EYS: variants seen among roughly 807,000 people sequenced by gnomAD.
The protein encoded by EYS is EGF-like photoreceptor maintenance factor.
A neutral mutation model predicts 282.1 loss-of-function variants in EYS; 250 were observed. The ratio of observed to expected loss-of-function variants is 0.89; its 90% confidence interval spans 0.80 to 0.98. The LOEUF (loss-of-function observed/expected upper bound fraction) is 0.98, where lower values mean the gene tolerates loss of function less well. Ranked by LOEUF, EYS falls within the 50% of genes least tolerant of loss-of-function variation. The probability of loss-of-function intolerance (pLI) is 0.00; values close to 1 mark genes in which losing one functional copy is unlikely to be tolerated. For synonymous variants in EYS, 1,355 were observed against 1,282.9 expected, an observed-to-expected ratio of 1.06 and a Z score of -1.20; for missense variants, 4,016 against 3,709.0, an observed-to-expected ratio of 1.08 and a Z score of -2.15.
At chr6:64,917,189 C>T (rs959608349) in intron 15 of EYS, among the ~76,000 whole-genome samples, 4 of 149,940 alleles carry the variant, frequency 2.7e-5, no homozygotes, top group African/African-American at 9.9e-5. Flanking sequence ...GCGGAGGCTG[C>T]AGTGAGCAGA....
chr6:64,667,510 T>C (rs914362307), intron 22 of EYS, among the ~76,000 whole-genome samples: 2 of 151,698 alleles, frequency 1.3e-5, no homozygotes, highest in South Asian at 2.1e-4. Flanking sequence ...TGGGAACTTA[T>C]GACTTTTTTT....
At chr6:64,085,708 G>C (rs1772134823) in intron 31 of EYS, among the ~76,000 whole-genome samples, 1 of 152,058 alleles carries the variant, frequency 6.6e-6, no homozygotes, top group African/African-American at 2.4e-5. Context: ...ACTTGTGAAG[G>C]TTAGTTGTTA....
chr6:63,913,086 G>A (rs1764315077), intron 35 of EYS, among the ~76,000 whole-genome samples: 1 of 152,088 alleles, frequency 6.6e-6, no homozygotes, highest in Admixed American at 6.6e-5. Flanking sequence ...TTGACAACTT[G>A]CCAGATAGCT....
intron 24 of EYS, among the ~76,000 whole-genome samples, chr6:64,595,224 T>C (rs1050289434): frequency 6.6e-6 from 1 of 152,160 alleles, no homozygotes; most frequent in Non-Finnish European, 1.5e-5. Flanking sequence ...AGAAATTAAT[T>C]TGATAAAATT....
At chr6:64,732,171 G>A (rs1426456374) in intron 22 of EYS, among the ~76,000 whole-genome samples, 1 of 151,988 alleles carries the variant, frequency 6.6e-6, no homozygotes, top group Non-Finnish European at 1.5e-5. Flanking sequence ...GGGTTGGGGG[G>A]CAAGGGGAGG....
intron 15 of EYS, among the ~76,000 whole-genome samples, chr6:64,943,389 A>T (rs1002806580): frequency 3.9e-5 from 6 of 152,078 alleles, no homozygotes; most frequent in African/African-American, 1.4e-4. Context: ...CCAAAAAGGA[A>T]CAAAATAAGT....
At chr6:64,059,525 A>G (rs1771092852) in intron 33 of EYS, among the ~76,000 whole-genome samples, 1 of 152,168 alleles carries the variant, frequency 6.6e-6, no homozygotes, top group East Asian at 1.9e-4. Context: ...GAGATGCTCC[A>G]CCTTATTTAT....
chr6:64,403,001 T>C (rs755543676), intron 28 of EYS, among the ~76,000 whole-genome samples: 1 of 152,200 alleles, frequency 6.6e-6, no homozygotes, highest in South Asian at 2.1e-4. Context: ...ATCATTGTGA[T>C]TCTAATTATA....
At chr6:63,766,659 T>G (rs1769796452) in intron 40 of EYS, among the ~76,000 whole-genome samples, 1 of 152,040 alleles carries the variant, frequency 6.6e-6, no homozygotes, top group South Asian at 2.1e-4. Flanking sequence ...CTTTCTAGTT[T>G]CTCTATTATG....
At position 64,695,612 on chromosome 6, in the gene EYS, T is replaced by C. The variant is rs1770550590; in HGVS notation, c.3444-69367A>G. Among the ~76,000 whole-genome samples the C allele has an allele frequency of 2.8e-5, 4 of 140,780 alleles. No individual in the cohort carries two copies. In the South Asian group the frequency reaches 8.9e-4, roughly 31 times the overall value. The allele number at this position is 140,780 out of a possible 152,430, so 92.4% of individuals were successfully genotyped here. A position where few individuals can be genotyped will look rare whatever the true frequency, so the allele number is the denominator to read the frequency against. On this transcript the variant is annotated intron_variant, in intron 22 of 42. Coordinates refer to ENST00000503581, the MANE Select transcript of EYS (RefSeq NM_001142800.2). ...CTTTTTTTTTTTTTTTGAGAAGGAG[T>C]CTAGCTCTGTCACCCAGGCTGGAGT...
chr6:63,751,797 C>T lies in EYS; in HGVS notation c.8071+10664G>A, dbSNP rs529812636. On this transcript the variant is annotated intron_variant, in intron 41 of 42. Coordinates refer to ENST00000503581, the MANE Select transcript of EYS (RefSeq NM_001142800.2). ...AATTATAGAAAAAATAAAATCATCC[C>T]TTTAGGCACACTTTCCTCAGGACTC... is the stretch of plus-strand genomic sequence containing the variant. 9.9e-5 allele frequency among the ~76,000 whole-genome samples: 15 copies of T among 152,244 alleles called. No homozygotes were observed. The South Asian group carries it at 2.7e-3, about 27-fold the overall frequency.
intron 12 of EYS, among the ~76,000 whole-genome samples, chr6:65,279,205 A>T (rs1768149645): frequency 6.6e-6 from 1 of 151,784 alleles, no homozygotes; most frequent in Non-Finnish European, 1.5e-5. Context: ...AAAAAATAAT[A>T]ATAACAAATA....
chr6:65,483,103 A>G (rs1043786202), intron 5 of EYS, among the ~76,000 whole-genome samples: 1 of 152,152 alleles, frequency 6.6e-6, no homozygotes, highest in Non-Finnish European at 1.5e-5. Flanking sequence ...TGGGATTACA[A>G]TTAAGAATAC....
intron 5 of EYS, among the ~76,000 whole-genome samples, chr6:65,423,096 T>A (rs547048201): frequency 6.6e-6 from 1 of 151,908 alleles, no homozygotes; most frequent in African/African-American, 2.4e-5. Context: ...GAATAGAGAA[T>A]ATACTGCATA....
chr6:64,001,482 C>G (rs1482827220), intron 33 of EYS, among the ~76,000 whole-genome samples: 1 of 151,786 alleles, frequency 6.6e-6, no homozygotes, highest in African/African-American at 2.4e-5. Context: ...CATTTTTGCA[C>G]TTTAGATTTA....
At chr6:63,849,820 A>G (rs942867094) in intron 36 of EYS, among the ~76,000 whole-genome samples, 1 of 152,214 alleles carries the variant, frequency 6.6e-6, no homozygotes, top group Non-Finnish European at 1.5e-5. Context: ...CTGGATGGAG[A>G]ATGAGTTACA....
chr6:63,950,114 G>A (rs1765526703), intron 35 of EYS, among the ~76,000 whole-genome samples: 1 of 151,746 alleles, frequency 6.6e-6, no homozygotes, highest in East Asian at 1.9e-4. Context: ...GGAGGTTGCA[G>A]TGAGCCAAGA....
At position 64,439,251 on chromosome 6, in the gene EYS, A is replaced by AG; in HGVS notation, c.5745dup (p.Ser1916LeufsTer25). On this transcript the variant is annotated frameshift_variant, in exon 27 of 43. Transcript: ENST00000503581. LOFTEE classifies it high-confidence loss of function. ...TTGACATACAGCAGAAGTCCATAGG[A>AG]GCTGAAGGTCTGAAATTCTAGGGAG... The AG allele has an allele frequency of 6.6e-7, 1 of 1,514,716 alleles. No individual in the cohort carries two copies. Among genetic ancestry groups the AG allele is most frequent in the Non-Finnish European group, 8.8e-7 (1 of 1,131,262 alleles). The allele number at this position is 1,514,716 out of a possible 1,614,324, so 93.8% of individuals were successfully genotyped here. A position where few individuals can be genotyped will look rare whatever the true frequency, so the allele number is the denominator to read the frequency against.
chr6:65,504,179 T>C (rs777424796), intron 2 of EYS, among the ~76,000 whole-genome samples: 2 of 151,256 alleles, frequency 1.3e-5, no homozygotes, highest in African/African-American at 2.4e-5. Flanking sequence ...TGTAGGTATA[T>C]ACCCAATTAT....
Sources: gnomAD v4.1 joint callset for allele counts (sites outside exome capture counted in the v4.1 genomes callset) on GRCh38, gnomAD v4.1.1 for gene constraint, MANE v1.5 for transcripts, NCBI Gene and HGNC (gene_info 2026-07-23, HGNC 2026-07-21) for gene names.